Variants in EDEM3 observed in about 807,000 individuals in gnomAD.
EDEM3 encodes ER degradation-enhancing alpha-mannosidase-like protein 3.
Under a neutral mutation model 110.2 loss-of-function variants are expected in EDEM3, and 60 were observed. That is an observed-to-expected ratio of 0.54 (90% CI 0.44 to 0.67). The LOEUF (loss-of-function observed/expected upper bound fraction) is 0.67, where lower values mean the gene tolerates loss of function less well. Ranked by LOEUF, EDEM3 falls within the 30% of genes least tolerant of loss-of-function variation. The probability of loss-of-function intolerance (pLI) is 0.00; values close to 1 mark genes in which losing one functional copy is unlikely to be tolerated. For missense variants in EDEM3, 996 were observed against 1,121.0 expected (o/e 0.89, Z 1.59); for synonymous variants, 352 against 382.9 (o/e 0.92, Z 0.94).
At chr1:184,753,364 T>C (rs898760554) in intron 1 of EDEM3, among the ~76,000 whole-genome samples, 5 of 152,060 alleles carry the variant, frequency 3.3e-5, no homozygotes, top group African/African-American at 9.7e-5. Flanking sequence ...ACGTACCCTA[T>C]TGAACCATTT....
chr1:184,713,916 C>G (rs1248518082), intron 13 of EDEM3, among the ~76,000 whole-genome samples: 1 of 152,190 alleles, frequency 6.6e-6, no homozygotes. Context: ...ATTGAAACTA[C>G]AGCTATCATT....
intron 19 of EDEM3, 61 bp from the exon 20 acceptor site, chr1:184,694,533 C>A: frequency 6.9e-7 from 1 of 1,443,328 alleles, no homozygotes; most frequent in South Asian, 1.4e-5. Flanking sequence ...ATTACACTTT[C>A]CAAAGCATAT....
intron 7 of EDEM3, among the ~76,000 whole-genome samples, chr1:184,724,585 C>A (rs1224511241): frequency 6.6e-6 from 1 of 152,082 alleles, no homozygotes; most frequent in Non-Finnish European, 1.5e-5. Flanking sequence ...AGAGCATGAA[C>A]CTATTTAGCA....
rs1308373284 is a variant in EDEM3 at position 184,711,770 on chromosome 1, G to C, written c.1644C>G (p.Pro548=). 1.2e-6 allele frequency: 2 copies of C among 1,612,984 alleles called. No individual in the cohort carries two copies. The highest frequency in any genetic ancestry group is 1.7e-6 in the Non-Finnish European group (2 of 1,179,502). ...DPLYAQSIRE[P]LKNVVDKSCP... is the part of the protein sequence containing the mutation. Reference sequence around the variant, plus strand: ...AGCTCTTATCCACCACATTTTTCAAGGGCTCACGAATACTTTGAGCATACA... The same window carrying C: ...AGCTCTTATCCACCACATTTTTCAACGGCTCACGAATACTTTGAGCATACA... The change falls in exon 15 of 20, where the codon CCC becomes CCG. Residue 548 remains proline, a synonymous_variant. Coordinates refer to ENST00000318130, the MANE Select transcript of EDEM3 (RefSeq NM_025191.4).
intron 17 of EDEM3, 145 bp from the exon 18 acceptor site, chr1:184,706,953 ATT>A: frequency 1.2e-6 from 1 of 866,882 alleles, no homozygotes; most frequent in East Asian, 2.7e-5. Context: ...ACCATAAAAT[ATT>A]GTTTTAAACA....
Position 184,721,317 on chromosome 1 carries a change from T to A in EDEM3, c.923A>T (p.Asp308Val). 1 of 1,604,794 alleles carries A rather than the reference T, an allele frequency of 6.2e-7. No homozygotes were observed. Among genetic ancestry groups the A allele is most frequent in the Non-Finnish European group, 8.5e-7 (1 of 1,176,668 alleles). ...YLLKAYVLLGDDSFLERFNTH... is the reference protein window; with the variant it reads ...YLLKAYVLLGVDSFLERFNTH... ...GTTAAATCTTTCCAGAAAACTGTCA[T>A]CTCCAAGCAAGACATAGGCTTTCAA... Residue 308 changes from aspartate (D) to valine (V), a missense_variant, in exon 9 of 20, where the codon GAT becomes GTT. By Grantham distance (152) the Asp-to-Val change is radical. Transcript: ENST00000318130.
chr1:184,712,693 T>A, intron 13 of EDEM3, 95 bp from the exon 14 acceptor site: 1 of 802,198 alleles, frequency 1.2e-6, no homozygotes. Context: ...TAATCCTGTC[T>A]ATACCAACTT....
chr1:184,726,166 A>C (rs1651179461), intron 7 of EDEM3, 89 bp downstream of exon 7: 5 of 1,463,430 alleles, frequency 3.4e-6, no homozygotes, highest in Admixed American at 2.2e-5. Context: ...GTAATTCTCC[A>C]ACTAATAATC....
intron 11 of EDEM3, among the ~76,000 whole-genome samples, chr1:184,717,867 T>G (rs1013869344): frequency 2.7e-4 from 41 of 151,988 alleles, no homozygotes; most frequent in African/African-American, 9.2e-4. Context: ...TCAGAAAAAC[T>G]CCATAATGAA....
At chr1:184,706,848 C>T (rs1206758885) in intron 17 of EDEM3, 40 bp from the exon 18 acceptor site, 1 of 1,594,618 alleles carries the variant, frequency 6.3e-7, no homozygotes. Flanking sequence ...TTAATCTTCT[C>T]AAATGGCAAT....
chr1:184,727,893 T>C (rs1370762797), intron 6 of EDEM3, among the ~76,000 whole-genome samples: 1 of 152,150 alleles, frequency 6.6e-6, no homozygotes, highest in Non-Finnish European at 1.5e-5. Context: ...TGTATCCCTA[T>C]CTACAGAACT....
intron 12 of EDEM3, 93 bp downstream of exon 12, chr1:184,717,447 G>T: frequency 2.2e-6 from 2 of 890,722 alleles, no homozygotes; most frequent in Middle Eastern, 3.3e-4. Flanking sequence ...ATTAAAAGGG[G>T]ACTCTGAAAA....
chr1:184,750,512 C>CTTT (rs1298087479), intron 1 of EDEM3, among the ~76,000 whole-genome samples: 5 of 108,854 alleles, frequency 4.6e-5, no homozygotes, highest in Admixed American at 3.7e-4. Context: ...TTTTTATTAA[C>CTTT]TTTTTCTTTT....
intron 1 of EDEM3, among the ~76,000 whole-genome samples, chr1:184,750,001 T>C (rs1274578038): frequency 6.6e-6 from 1 of 152,198 alleles, no homozygotes; most frequent in Non-Finnish European, 1.5e-5. Flanking sequence ...ATTATTGCCA[T>C]TTATTGCTTC....
At chr1:184,739,494 T>A (rs1363443462) in intron 2 of EDEM3, among the ~76,000 whole-genome samples, 1 of 151,926 alleles carries the variant, frequency 6.6e-6, no homozygotes, top group Admixed American at 6.6e-5. Flanking sequence ...AAATTTTAAT[T>A]GGAAGAACTG....
At chr1:184,732,811 G>C in intron 6 of EDEM3, 26 bp downstream of exon 6, 1 of 1,603,402 alleles carries the variant, frequency 6.2e-7, no homozygotes, top group East Asian at 2.2e-5. Context: ...AGTATATAAA[G>C]ACTCATATTT....
intron 6 of EDEM3, 71 bp downstream of exon 6, chr1:184,732,766 G>T: frequency 4.1e-6 from 6 of 1,457,468 alleles, no homozygotes; most frequent in South Asian, 1.4e-5. Context: ...CAATGGCTCT[G>T]ATCACAAAAC....
At chr1:184,703,047 G>T (rs926431328) in intron 18 of EDEM3, 51 bp from the exon 19 acceptor site, 4 of 1,400,488 alleles carry the variant, frequency 2.9e-6, no homozygotes, top group Admixed American at 4.8e-5. Flanking sequence ...CCATTAAAAA[G>T]ATCTATCTAC....
At chr1:184,710,365 G>A (rs751853007) in intron 16 of EDEM3, 29 bp downstream of exon 16, 13 of 1,602,404 alleles carry the variant, frequency 8.1e-6, no homozygotes, top group Non-Finnish European at 1.0e-5. Context: ...GGGCAGAGAC[G>A]GTATCTAATT....
Sources: gnomAD v4.1 joint callset for allele counts (sites outside exome capture counted in the v4.1 genomes callset) on GRCh38, gnomAD v4.1.1 for gene constraint, MANE v1.5 for transcripts, NCBI Gene and HGNC (gene_info 2026-07-23, HGNC 2026-07-21) for gene names.